Variants in HAL observed in about 807,000 individuals in gnomAD.
HAL encodes the protein histidase.
A neutral mutation model predicts 81.1 loss-of-function variants in HAL; 85 were observed. The ratio of observed to expected loss-of-function variants is 1.05; its 90% CI spans 0.88 to 1.25. The LOEUF is 1.25. Ranked by LOEUF, HAL falls within the 50% of genes most tolerant of loss-of-function variation. HAL has a pLI of 0.00. For synonymous variants in HAL, 301 were observed against 309.2 expected, an observed-to-expected ratio of 0.97 and a Z score of 0.28; for missense variants, 798 against 836.6, an observed-to-expected ratio of 0.95 and a Z score of 0.57.
At chr12:95,978,479 C>T (rs1565985720) in intron 17 of HAL, among the ~76,000 whole-genome samples, 2 of 152,018 alleles carry the variant, frequency 1.3e-5, no homozygotes, top group South Asian at 4.1e-4. Flanking sequence ...GAGGCTGGAC[C>T]CATAAATCTT....
At chr12:95,988,966 T>C (rs896990877) in intron 10 of HAL, among the ~76,000 whole-genome samples, 1 of 152,196 alleles carries the variant, frequency 6.6e-6, no homozygotes. Context: ...GGCTGGATTC[T>C]GTTCTGGGTG....
At position 95,973,071 on chromosome 12, in the gene HAL, G is replaced by C. The variant is rs368835467; in HGVS notation, c.*1161C>G. The C allele has an allele frequency of 6.6e-6, 1 of 152,118 alleles. No homozygotes were observed. Among genetic ancestry groups the C allele is most frequent in the African/African-American group, 2.4e-5 (1 of 41,394 alleles). 9.4% of individuals were successfully genotyped at this position (152,118 alleles called of 1,614,324 possible). On this transcript the variant is annotated 3_prime_UTR_variant, in exon 21 of 21. Coordinates refer to ENST00000261208, the MANE Select transcript of HAL (RefSeq NM_002108.4). ...AACTCTATTGTGAAATCCACTGTTC[G>C]GCCCATTTTAGATGGCAATTAGGTA...
At chr12:95,977,875 T>C in intron 18 of HAL, 69 bp downstream of exon 18, 1 of 1,537,486 alleles carries the variant, frequency 6.5e-7, no homozygotes, top group Non-Finnish European at 9.0e-7. Context: ...TGGTGGGAGA[T>C]CCCACTTGAG....
chr12:95,981,890 A>T (rs1442047072), intron 15 of HAL, among the ~76,000 whole-genome samples: 2 of 152,224 alleles, frequency 1.3e-5, no homozygotes, highest in African/African-American at 4.8e-5. Flanking sequence ...TTCATTACCT[A>T]TTAACTGAGA....
rs776305521 is a variant in HAL at position 95,993,839 on chromosome 12, C to G, written c.485-1G>C. On this transcript the variant is annotated splice_acceptor_variant, in intron 6 of 20. Coordinates refer to ENST00000261208, the MANE Select transcript of HAL (RefSeq NM_002108.4). LOFTEE classifies it high-confidence loss of function. ...AAACCTGTAGTAATACCGTAAACAACTAGAATAAAAAGAGACATTATGCAA... is the reference window on the plus strand; with the variant it reads ...AAACCTGTAGTAATACCGTAAACAAGTAGAATAAAAAGAGACATTATGCAA... The G allele has an allele frequency of 6.4e-7, 1 of 1,559,072 alleles. No individual in the cohort carries two copies. The highest frequency in any genetic ancestry group is 1.1e-5 in the South Asian group (1 of 89,954).
intron 17 of HAL, among the ~76,000 whole-genome samples, chr12:95,979,664 T>C (rs1396461259): frequency 6.6e-6 from 1 of 152,260 alleles, no homozygotes; most frequent in Non-Finnish European, 1.5e-5. Context: ...AGTACAAGTA[T>C]GTCCCAAATA....
chr12:95,974,499 CTTTTA>C, intron 20 of HAL, 127 bp from the exon 21 acceptor site: 2 of 850,770 alleles, frequency 2.4e-6, no homozygotes, highest in East Asian at 5.0e-5. Flanking sequence ...TGTTTGCTTG[CTTTTA>C]TTTTAAGCCA....
chr12:95,986,208 T>G (rs1266637731), intron 12 of HAL, 48 bp from the exon 13 acceptor site: 1 of 1,171,648 alleles, frequency 8.5e-7, no homozygotes, highest in Non-Finnish European at 1.3e-6. Context: ...ATTTATTTAT[T>G]TTTTTTAAAG....
In HAL at chr12:95,977,919, G is replaced by A. The variant is rs368908724; in HGVS notation, c.1654+25C>T. 12 of 1,613,064 alleles carry A rather than the reference G, an allele frequency of 7.4e-6. No individual in the cohort carries two copies. In the South Asian group the frequency reaches 9.9e-5, roughly 13 times the overall value. On this transcript the variant is annotated intron_variant, in intron 18 of 20. Transcript: ENST00000261208. ...GCACAGTGGTCTATCAGGCAGGCCC[G>A]CCACCCCGAACTCATCAGCATTACC...
chr12:95,995,161 G>A, intron 2 of HAL, 168 bp from the exon 3 acceptor site: 3 of 672,034 alleles, frequency 4.5e-6, no homozygotes, highest in Admixed American at 4.4e-5. Flanking sequence ...TAGGAGGAGA[G>A]CAAAAAGCAG....
At chr12:95,989,683 T>G (rs948359646) in intron 10 of HAL, 2 of 155,034 alleles carry the variant, frequency 1.3e-5, no homozygotes, top group Non-Finnish European at 2.9e-5. Context: ...GTCAGGGTGA[T>G]TGCTGTATGA....
chr12:95,981,756 A>G (rs7966537), intron 15 of HAL, among the ~76,000 whole-genome samples: 130,401 of 152,298 alleles, frequency 0.86, 56,297 homozygotes, highest in African/African-American at 0.96. Flanking sequence ...CACCAAACCC[A>G]GCCTCAGATA....
intron 10 of HAL, among the ~76,000 whole-genome samples, 157 bp from the exon 11 acceptor site, chr12:95,988,397 A>G (rs888612077): frequency 3.9e-5 from 6 of 152,206 alleles, no homozygotes; most frequent in East Asian, 3.9e-4. Flanking sequence ...TCTCTGGTCT[A>G]TTCTCTAGTT....
Position 95,985,890 on chromosome 12 carries a change from T to C in HAL, c.1206+18A>G, listed in dbSNP as rs1374453461. On this transcript the variant is annotated intron_variant, in intron 14 of 20. Transcript: ENST00000261208. The stretch of plus-strand genomic sequence containing the variant: ...TATTGGCATTTTTTATTGACCTTTT[T>C]TTTTTTCTTTATTTTACCTGTGGAC... 6.3e-7 allele frequency: 1 copy of C among 1,578,526 alleles called. No individual in the cohort carries two copies. Among genetic ancestry groups the C allele is most frequent in the Non-Finnish European group, 8.7e-7 (1 of 1,150,888 alleles).
rs1441630413 is a variant in HAL, at chr12:95,995,710, C to G, written c.201G>C (p.Glu67Asp). 3 of 1,613,796 alleles carry G rather than the reference C, an allele frequency of 1.9e-6. No individual in the cohort carries two copies. The highest frequency in any genetic ancestry group is 2.2e-5 in the East Asian group (1 of 44,880). Reference sequence around the variant, plus strand: ...TCTCTAGGGCCACCTCGAGCCGGTCCTCGTTGTCCAGCAGGCCCAGGCCCT... The same window carrying G: ...TCTCTAGGGCCACCTCGAGCCGGTCGTCGTTGTCCAGCAGGCCCAGGCCCT... ...RCKGLGLLDN[E>D]DRLEVALENN... Residue 67 changes from glutamate (E) to aspartate (D), a missense_variant, in exon 2 of 21, where the codon GAG becomes GAC. Transcript: ENST00000261208.
At chr12:95,995,291 C>T (rs1950020542) in intron 2 of HAL, 2 of 567,102 alleles carry the variant, frequency 3.5e-6, no homozygotes, top group East Asian at 3.1e-5. Context: ...ATGCTGCCGG[C>T]CTCCAGTCTG....
At position 95,977,975 on chromosome 12, in the gene HAL, T is replaced by C. The variant is rs1592836913; in HGVS notation, c.1623A>G (p.Lys541=). The change falls in exon 18 of 21, where the codon AAA becomes AAG. Residue 541 remains lysine, a synonymous_variant. Coordinates refer to ENST00000261208, the MANE Select transcript of HAL (RefSeq NM_002108.4). ...HVSMGGWAAR[K]ALRVIEHVEQ... is the part of the protein sequence containing the mutation. Reference sequence around the variant, plus strand: ...CCACATGCTCGATGACCCTGAGGGCTTTCCTTGCTGCCCATCCTCCCATGG... The same window carrying C: ...CCACATGCTCGATGACCCTGAGGGCCTTCCTTGCTGCCCATCCTCCCATGG... 6.2e-7 allele frequency: 1 copy of C among 1,614,148 alleles called. No homozygotes were observed. Among genetic ancestry groups the C allele is most frequent in the East Asian group, 2.2e-5 (1 of 44,870 alleles).
chr12:95,996,336 T>G lies in HAL; in HGVS notation c.-340A>C, dbSNP rs1950036315. On this transcript the variant is annotated 5_prime_UTR_variant, in exon 1 of 21. Transcript: ENST00000261208. ...GCAGCTTATAAACACCATGTTCCTG[T>G]CTTTATCTGAGATTACTCAACTGTA... is the stretch of plus-strand genomic sequence containing the variant. 4.4e-6 allele frequency: 1 copy of G among 228,162 alleles called. No individual in the cohort carries two copies. The highest frequency in any genetic ancestry group is 5.2e-5 in the Admixed American group (1 of 19,412). The allele number at this position is 228,162 out of a possible 1,614,324, so 14.1% of individuals were successfully genotyped here.
At chr12:95,980,099 C>A (rs143677195) in intron 17 of HAL, among the ~76,000 whole-genome samples, 50 of 152,132 alleles carry the variant, frequency 3.3e-4, no homozygotes, top group African/African-American at 1.2e-3. Flanking sequence ...GCAATAACAT[C>A]TTTATGTTTT....
Sources: gnomAD v4.1 joint callset for allele counts (sites outside exome capture counted in the v4.1 genomes callset) on GRCh38, gnomAD v4.1.1 for gene constraint, MANE v1.5 for transcripts, NCBI Gene and HGNC (gene_info 2026-07-23, HGNC 2026-07-21) for gene names.